Variants in ARHGAP10 observed in about 807,000 individuals in gnomAD.
ARHGAP10 encodes Rho GTPase activating protein 10, also known as rho GTPase-activating protein 10.
A neutral mutation model predicts 108.6 loss-of-function variants in ARHGAP10; 87 were observed. The observed-to-expected ratio is 0.80, with a 90% CI of 0.67 to 0.96. The LOEUF (loss-of-function observed/expected upper bound fraction) is 0.96, where lower values mean the gene tolerates loss of function less well. ARHGAP10 is among the 40% of genes least tolerant of loss of function. The probability of loss-of-function intolerance (pLI) is 0.00; values close to 1 mark genes in which losing one functional copy is unlikely to be tolerated. For missense variants in ARHGAP10, 939 were observed against 954.5 expected, an observed-to-expected ratio of 0.98 and a Z score of 0.21; for synonymous variants, 347 against 341.1, an observed-to-expected ratio of 1.02 and a Z score of -0.19.
chr4:147,848,723 T>C (rs761370838), intron 4 of ARHGAP10, among the ~76,000 whole-genome samples: 1 of 152,264 alleles, frequency 6.6e-6, no homozygotes, highest in Non-Finnish European at 1.5e-5. Flanking sequence ...CGAGTGAATA[T>C]ATTTACTTTT....
chr4:147,947,803 G>A (rs948513724), intron 15 of ARHGAP10, among the ~76,000 whole-genome samples: 1 of 152,066 alleles, frequency 6.6e-6, no homozygotes, highest in Middle Eastern at 3.2e-3. Flanking sequence ...GACGTATTTT[G>A]TATTTTTAAA....
intron 7 of ARHGAP10, among the ~76,000 whole-genome samples, chr4:147,872,174 G>C (rs1734851064): frequency 6.6e-6 from 1 of 151,918 alleles, no homozygotes; most frequent in African/African-American, 2.4e-5. Context: ...GGTGGTGAGG[G>C]AGAGGGGGAC....
At chr4:147,864,102 CAT>C (rs1734442667) in intron 5 of ARHGAP10, 2 of 152,244 alleles carry the variant, frequency 1.3e-5, no homozygotes, top group South Asian at 2.1e-4. Context: ...AAAAATATCA[CAT>C]GATACCTAGT....
In ARHGAP10 at chr4:147,799,999, G is replaced by A. The variant is rs541848547; in HGVS notation, c.155-22728G>A. Reference sequence around the variant, plus strand: ...CCACCCAGTTAGTCTTAGCACACAGGTCCTGCCCTACATTTGTGGGCTGTG... The same window carrying A: ...CCACCCAGTTAGTCTTAGCACACAGATCCTGCCCTACATTTGTGGGCTGTG... On this transcript the variant is annotated intron_variant, in intron 1 of 22. Coordinates refer to ENST00000336498, the MANE Select transcript of ARHGAP10 (RefSeq NM_024605.4). Among the ~76,000 whole-genome samples, 30 of 152,206 alleles carry A rather than the reference G, an allele frequency of 2.0e-4. 1 individual carries two copies. In the South Asian group the frequency reaches 6.0e-3, roughly 31 times the overall value.
At chr4:147,803,416 G>T (rs148959183) in intron 1 of ARHGAP10, among the ~76,000 whole-genome samples, 1 of 152,168 alleles carries the variant, frequency 6.6e-6, no homozygotes. Flanking sequence ...GGGTAATTGG[G>T]ATATCTATTG....
chr4:147,943,909 T>C (rs1738272401), intron 14 of ARHGAP10, among the ~76,000 whole-genome samples: 1 of 152,232 alleles, frequency 6.6e-6, no homozygotes, highest in East Asian at 1.9e-4. Flanking sequence ...GCTTCTGATG[T>C]GACAGCTGCT....
chr4:147,847,726 A>G (rs1039021254), intron 4 of ARHGAP10, among the ~76,000 whole-genome samples: 5 of 152,204 alleles, frequency 3.3e-5, no homozygotes, highest in Admixed American at 1.3e-4. Flanking sequence ...TGTGCATTAT[A>G]TTGTGTGTTG....
At chr4:147,864,635 C>G in intron 5 of ARHGAP10, 1 of 471,116 alleles carries the variant, frequency 2.1e-6, no homozygotes, top group Non-Finnish European at 3.8e-6. Context: ...CCATAAAGTT[C>G]CTGTTGCACC....
intron 13 of ARHGAP10, among the ~76,000 whole-genome samples, chr4:147,917,778 T>C (rs892407094): frequency 6.6e-6 from 1 of 152,250 alleles, no homozygotes; most frequent in Non-Finnish European, 1.5e-5. Flanking sequence ...GCTAATTTCA[T>C]GTAGTTTTTG....
At chr4:147,824,028 C>T (rs1178798150) in intron 3 of ARHGAP10, among the ~76,000 whole-genome samples, 1 of 151,910 alleles carries the variant, frequency 6.6e-6, no homozygotes, top group African/African-American at 2.4e-5. Context: ...TAAAAAAAAA[C>T]ACAGATTCAG....
chr4:147,919,499 A>G (rs1737140903), intron 13 of ARHGAP10, among the ~76,000 whole-genome samples: 1 of 152,248 alleles, frequency 6.6e-6, no homozygotes, highest in African/African-American at 2.4e-5. Flanking sequence ...CTGAGCTAAA[A>G]GACTTCCTAA....
At chr4:148,003,893 T>TATAA (rs139127657) in intron 18 of ARHGAP10, among the ~76,000 whole-genome samples, 2 of 121,918 alleles carry the variant, frequency 1.6e-5, no homozygotes, top group African/African-American at 4.1e-5. Context: ...TTTATCTGAG[T>TATAA]GTAAGCCTAA....
chr4:147,795,267 A>T (rs1731269878), intron 1 of ARHGAP10, among the ~76,000 whole-genome samples: 1 of 152,172 alleles, frequency 6.6e-6, no homozygotes, highest in African/African-American at 2.4e-5. Flanking sequence ...TTTGATATGT[A>T]ATCTACTTGC....
At chr4:148,008,069 T>G (rs1032615566) in intron 18 of ARHGAP10, among the ~76,000 whole-genome samples, 22 of 152,210 alleles carry the variant, frequency 1.4e-4, no homozygotes, top group African/African-American at 5.3e-4. Context: ...AATCATGGCC[T>G]GTGGTGGCCT....
At chr4:147,831,878 A>G (rs541533261) in intron 3 of ARHGAP10, among the ~76,000 whole-genome samples, 1 of 151,966 alleles carries the variant, frequency 6.6e-6, no homozygotes, top group Admixed American at 6.6e-5. Flanking sequence ...TCCTTCTTGG[A>G]CCCCTTTCCC....
Position 147,793,642 on chromosome 4 carries a change from C to T in ARHGAP10, c.155-29085C>T, listed in dbSNP as rs564380904. Among the ~76,000 whole-genome samples, 12 of 152,308 alleles carry T rather than the reference C, an allele frequency of 7.9e-5. No individual in the cohort carries two copies. In the East Asian group the frequency reaches 2.1e-3, roughly 27 times the overall value. ...TAAAATGAGAAAGTATCAGCCTGCC[C>T]TCACTTCTGAGGCTTCATGTGTATA... On this transcript the variant is annotated intron_variant, in intron 1 of 22. Transcript: ENST00000336498.
chr4:147,912,006 T>TAC (rs1191167088), intron 12 of ARHGAP10, among the ~76,000 whole-genome samples: 1 of 49,170 alleles, frequency 2.0e-5, no homozygotes, highest in Non-Finnish European at 1.0e-4. Flanking sequence ...TGTGTGTGTG[T>TAC]GTGTGTGTGT....
intron 18 of ARHGAP10, among the ~76,000 whole-genome samples, chr4:148,010,239 G>A: frequency 6.6e-6 from 1 of 152,090 alleles, no homozygotes; most frequent in East Asian, 1.9e-4. Context: ...CTCTGGTCTG[G>A]TGCACCCCTT....
rs753267856 is a variant in ARHGAP10 at position 147,847,242 on chromosome 4, A to T, written c.384+20A>T. ...GTAAAGGTTTGTGTCTAATTTGAATACACTCAGAAAACATAGATGCCTCTG... is the reference window on the plus strand; with the variant it reads ...GTAAAGGTTTGTGTCTAATTTGAATTCACTCAGAAAACATAGATGCCTCTG... On this transcript the variant is annotated intron_variant, in intron 4 of 22. Coordinates refer to ENST00000336498, the MANE Select transcript of ARHGAP10 (RefSeq NM_024605.4). The T allele has an allele frequency of 5.7e-6, 9 of 1,589,412 alleles. No homozygotes were observed. Among genetic ancestry groups the T allele is most frequent in the Non-Finnish European group, 3.5e-6 (4 of 1,158,282 alleles).
Sources: gnomAD v4.1 joint callset for allele counts (sites outside exome capture counted in the v4.1 genomes callset) on GRCh38, gnomAD v4.1.1 for gene constraint, MANE v1.5 for transcripts, NCBI Gene and HGNC (gene_info 2026-07-23, HGNC 2026-07-21) for gene names.